The following SHB variants were observed in gnomAD, a reference collection of about 807,000 sequenced individuals.
SHB encodes the protein SH2 domain containing adaptor protein B, also known as SH2 domain-containing adapter protein B.
Under a neutral mutation model 52.3 loss-of-function variants are expected in SHB, and 20 were observed. That is an observed-to-expected ratio of 0.38 (90% CI 0.27 to 0.56). The LOEUF is 0.56. SHB is among the 20% of genes least tolerant of loss of function. The probability of loss-of-function intolerance (pLI) is 0.71; values close to 1 mark genes in which losing one functional copy is unlikely to be tolerated. For missense variants in SHB, 825 were observed against 723.3 expected, an observed-to-expected ratio of 1.14 and a Z score of -1.61; for synonymous variants, 397 against 316.5, an observed-to-expected ratio of 1.25 and a Z score of -2.70.
chr9:37,920,588 G>A (rs1564079155), intron 5 of SHB, among the ~76,000 whole-genome samples: 1 of 152,226 alleles, frequency 6.6e-6, no homozygotes, highest in Non-Finnish European at 1.5e-5. Context: ...CAGGCAGTTA[G>A]CCATGTGACT....
At chr9:37,954,641 G>C (rs1461070500) in intron 4 of SHB, among the ~76,000 whole-genome samples, 4 of 152,182 alleles carry the variant, frequency 2.6e-5, no homozygotes, top group Admixed American at 6.5e-5. Flanking sequence ...AAGCAGACAA[G>C]ACACCTGAGG....
At chr9:38,020,315 A>T (rs1821266272) in intron 1 of SHB, among the ~76,000 whole-genome samples, 1 of 152,266 alleles carries the variant, frequency 6.6e-6, no homozygotes, top group African/African-American at 2.4e-5. Flanking sequence ...CTTGTTAAGG[A>T]AACAGATTCC....
At chr9:37,999,543 G>A (rs138313083) in intron 2 of SHB, among the ~76,000 whole-genome samples, 197 of 152,318 alleles carry the variant, frequency 1.3e-3, no homozygotes, top group African/African-American at 4.5e-3. Context: ...AGGCTAGTGT[G>A]ACTTGAGCTC....
intron 4 of SHB, among the ~76,000 whole-genome samples, chr9:37,951,515 A>G (rs1475929052): frequency 6.6e-6 from 1 of 152,244 alleles, no homozygotes; most frequent in Non-Finnish European, 1.5e-5. Flanking sequence ...ACTGTGTAAC[A>G]CACCCTCAGT....
At chr9:37,989,766 A>T (rs1030110200) in intron 2 of SHB, among the ~76,000 whole-genome samples, 48 of 152,114 alleles carry the variant, frequency 3.2e-4, no homozygotes, top group African/African-American at 1.1e-3. Context: ...AAACCCTATT[A>T]AAGTGTTGTT....
chr9:38,068,441 A>G lies in SHB; in HGVS notation c.205T>C (p.Ser69Pro). 1 of 1,546,608 alleles carries G rather than the reference A, an allele frequency of 6.5e-7. No homozygotes were observed. Among genetic ancestry groups the G allele is most frequent in the Non-Finnish European group, 8.7e-7 (1 of 1,150,810 alleles). Reference sequence around the variant, plus strand: ...GTGCTGCCGCTGTCGTCGGGCAGCGAGCCCGAAGAGGCTGAGAAGCAGGAG... The same window carrying G: ...GTGCTGCCGCTGTCGTCGGGCAGCGGGCCCGAAGAGGCTGAGAAGCAGGAG... ...TASCFSASSG[S>P]LPDDSGSTSD... Residue 69 changes from serine to proline, a missense_variant, in exon 1 of 6, where the codon TCG becomes CCG. By Grantham distance (74) the Ser-to-Pro change is moderately conservative. Coordinates refer to ENST00000377707, the MANE Select transcript of SHB (RefSeq NM_003028.3).
intron 5 of SHB, among the ~76,000 whole-genome samples, chr9:37,926,890 C>A (rs931747458): frequency 1.3e-5 from 2 of 152,240 alleles, no homozygotes; most frequent in African/African-American, 4.8e-5. Context: ...CAATTACTCA[C>A]CCAGAGCCCA....
At chr9:37,990,005 G>T (rs1023494220) in intron 2 of SHB, among the ~76,000 whole-genome samples, 13 of 152,180 alleles carry the variant, frequency 8.5e-5, no homozygotes, top group Non-Finnish European at 1.8e-4. Flanking sequence ...TGGAAGAAAC[G>T]AGAATAGCCC....
At chr9:37,947,399 G>T (rs1334424635) in intron 5 of SHB, among the ~76,000 whole-genome samples, 1 of 152,200 alleles carries the variant, frequency 6.6e-6, no homozygotes, top group Non-Finnish European at 1.5e-5. Context: ...TGCAGAGCTG[G>T]AATCTGTCTA....
chr9:37,946,684 C>T (rs543926163), intron 5 of SHB, among the ~76,000 whole-genome samples: 132 of 152,312 alleles, frequency 8.7e-4, no homozygotes, highest in African/African-American at 2.6e-3. Flanking sequence ...CTAGGATGAA[C>T]GGCCCGGTTT....
At chr9:37,924,729 T>C (rs1411569492) in intron 5 of SHB, among the ~76,000 whole-genome samples, 1 of 152,224 alleles carries the variant, frequency 6.6e-6, no homozygotes, top group Non-Finnish European at 1.5e-5. Context: ...AGCTGAGCTG[T>C]TGCCACATAT....
intron 5 of SHB, among the ~76,000 whole-genome samples, chr9:37,923,424 C>A (rs1266341328): frequency 2.6e-5 from 4 of 152,316 alleles, no homozygotes; most frequent in South Asian, 2.1e-4. Context: ...AGCCCCCCAG[C>A]CTGAGAGGCA....
intron 5 of SHB, among the ~76,000 whole-genome samples, chr9:37,922,536 A>G (rs1832195717): frequency 6.6e-6 from 1 of 152,102 alleles, no homozygotes; most frequent in Non-Finnish European, 1.5e-5. Context: ...CCTGCTGTTT[A>G]TCACCCCCAA....
At chr9:37,940,561 G>T (rs1832423742) in intron 5 of SHB, among the ~76,000 whole-genome samples, 1 of 152,156 alleles carries the variant, frequency 6.6e-6, no homozygotes, top group Non-Finnish European at 1.5e-5. Context: ...AATCCTCCAT[G>T]CGATAAGAGC....
At chr9:38,015,465 C>T (rs1265077841) in intron 2 of SHB, 2 of 702,982 alleles carry the variant, frequency 2.8e-6, no homozygotes, top group Non-Finnish European at 5.2e-6. Flanking sequence ...GGAATGTCTC[C>T]ATGCTTCCTG....
At position 38,013,509 on chromosome 9, in the gene SHB, CAGG is replaced by C. The variant is rs757847847; in HGVS notation, c.838+2499_838+2501del. On this transcript the variant is annotated intron_variant, in intron 2 of 5. Coordinates refer to ENST00000377707, the MANE Select transcript of SHB (RefSeq NM_003028.3). Reference sequence around the variant, plus strand: ...GTCTCAACTACTCAGGAGGCTGAGGCAGGAGGACTGCTTGAGCCTGGGAGGCGA... The same window carrying C: ...GTCTCAACTACTCAGGAGGCTGAGGCAGGACTGCTTGAGCCTGGGAGGCGA... 8.5e-5 allele frequency among the ~76,000 whole-genome samples: 13 copies of C among 152,216 alleles called. 1 individual carries two copies. The highest frequency in any genetic ancestry group is 5.2e-4 in the Admixed American group (8 of 15,290).
Position 37,974,009 on chromosome 9 carries a change from C to T in SHB, c.1054+613G>A, listed in dbSNP as rs191696684. On this transcript the variant is annotated intron_variant, in intron 3 of 5. Coordinates refer to ENST00000377707, the MANE Select transcript of SHB (RefSeq NM_003028.3). ...GTGGCTCACGCCTGTAATCCCAGCA[C>T]TTTGGGAGGCCGAGGTGGGCGGATC... 1.1e-3 allele frequency among the ~76,000 whole-genome samples: 165 copies of T among 152,310 alleles called. 1 individual carries two copies. The highest frequency in any genetic ancestry group is 1.9e-3 in the South Asian group (9 of 4,828).
chr9:37,955,876 A>G lies in SHB; in HGVS notation c.1226+7T>C, dbSNP rs781341710. The G allele has an allele frequency of 6.2e-7, 1 of 1,612,574 alleles. No homozygotes were observed. The highest frequency in any genetic ancestry group is 8.5e-7 in the Non-Finnish European group (1 of 1,178,982). On this transcript the variant is annotated splice_region_variant and intron_variant, in intron 4 of 5. Transcript: ENST00000377707. ...GGTGAGGTTGGGCTTTGCTCCCAAG[A>G]ACTTACATTTGCTTCTCCAGGGGGA...
intron 5 of SHB, among the ~76,000 whole-genome samples, chr9:37,933,223 G>A (rs145299766): frequency 6.6e-6 from 1 of 152,286 alleles, no homozygotes; most frequent in East Asian, 1.9e-4. Flanking sequence ...GGGAATCTAG[G>A]CCTCAGTTTC....
Sources: allele counts gnomAD v4.1 joint callset (sites outside exome capture counted in the v4.1 genomes callset), GRCh38; gene constraint gnomAD v4.1.1; transcripts MANE v1.5; gene names NCBI Gene and HGNC (gene_info 2026-07-23, HGNC 2026-07-21).